SLC9A3: variants seen among roughly 807,000 people sequenced by gnomAD.
SLC9A3 encodes the protein solute carrier family 9 member A3, also known as sodium/hydrogen exchanger 3.
SLC9A3 carries 37 observed loss-of-function variants against 86.8 expected under a neutral mutation model. That is an observed-to-expected ratio of 0.43 (90% CI 0.33 to 0.56). SLC9A3 has a LOEUF of 0.56. Among genes scored for constraint, SLC9A3 ranks in the 20% least tolerant of loss-of-function variants. SLC9A3 has a pLI of 0.06. For missense variants in SLC9A3, 1,011 were observed against 1,171.9 expected (o/e 0.86, Z 2.00); for synonymous variants, 581 against 528.3 (o/e 1.10, Z -1.37).
intron 1 of SLC9A3, among the ~76,000 whole-genome samples, chr5:505,936 A>C (rs6864158): frequency 6.6e-6 from 1 of 151,232 alleles, no homozygotes; most frequent in Non-Finnish European, 1.5e-5. Flanking sequence ...GGGTGGGGTT[A>C]GGGTTGGGGT....
chr5:495,246 T>C (rs1336184329), intron 1 of SLC9A3, among the ~76,000 whole-genome samples: 2 of 152,030 alleles, frequency 1.3e-5, no homozygotes, highest in Non-Finnish European at 2.9e-5. Flanking sequence ...AAAATTAGGT[T>C]CACAGCGATC....
intron 1 of SLC9A3, among the ~76,000 whole-genome samples, chr5:517,791 C>T (rs1011795920): frequency 1.3e-4 from 18 of 141,482 alleles, no homozygotes; most frequent in African/African-American, 2.8e-4. Context: ...GTCCATTCAC[C>T]GAAACCATCC....
chr5:492,104 C>T, intron 1 of SLC9A3, 33 bp from the exon 2 acceptor site: 2 of 1,135,200 alleles, frequency 1.8e-6, no homozygotes, highest in South Asian at 1.9e-5. Context: ...CAGGGCCGGG[C>T]TGTGAGGGAG....
intron 5 of SLC9A3, 43 bp from the exon 6 acceptor site, chr5:483,525 GC>G: frequency 1.4e-6 from 2 of 1,400,164 alleles, no homozygotes; most frequent in South Asian, 1.2e-5. Flanking sequence ...ACCTGGCCTG[GC>G]GCCCGAGGCC....
intron 6 of SLC9A3, 81 bp downstream of exon 6, chr5:483,181 G>A: frequency 2.7e-6 from 3 of 1,095,694 alleles, no homozygotes; most frequent in Non-Finnish European, 1.3e-6. Flanking sequence ...ATCTCCCTGG[G>A]CCCAGTAGAA....
chr5:475,715 C>T, intron 14 of SLC9A3, 44 bp from the exon 15 acceptor site: 2 of 1,089,878 alleles, frequency 1.8e-6, no homozygotes, highest in Non-Finnish European at 2.8e-6. Flanking sequence ...CACTGGGGGG[C>T]TGTCCTCACA....
At chr5:478,834 G>C (rs572337823) in intron 10 of SLC9A3, 1 of 154,842 alleles carries the variant, frequency 6.5e-6, no homozygotes, top group South Asian at 2.0e-4. Flanking sequence ...TGTGGAGCCT[G>C]GTCCAGGAGC....
intron 9 of SLC9A3, among the ~76,000 whole-genome samples, chr5:481,128 G>T (rs1739138926): frequency 6.6e-6 from 1 of 152,204 alleles, no homozygotes; most frequent in Non-Finnish European, 1.5e-5. Flanking sequence ...GACCTCAAGT[G>T]AGCTGACCAC....
intron 4 of SLC9A3, 140 bp from the exon 5 acceptor site, chr5:484,837 C>G (rs1226588858): frequency 3.7e-6 from 3 of 806,142 alleles, no homozygotes; most frequent in African/African-American, 1.7e-5. Context: ...CGGGCCTGGT[C>G]TCAGCACCAG....
chr5:473,944 G>C (rs1365962677), intron 16 of SLC9A3, among the ~76,000 whole-genome samples: 1 of 152,252 alleles, frequency 6.6e-6, no homozygotes, highest in Non-Finnish European at 1.5e-5. Context: ...TCGCGGACTA[G>C]CTTTCGGAGC....
chr5:477,126 C>T (rs963045158), intron 11 of SLC9A3: 6 of 537,784 alleles, frequency 1.1e-5, no homozygotes, highest in South Asian at 5.5e-5. Context: ...CTGCCCCTCC[C>T]TTTCACCTTC....
At chr5:502,008 A>AG (rs1216909999) in intron 1 of SLC9A3, among the ~76,000 whole-genome samples, 1 of 152,212 alleles carries the variant, frequency 6.6e-6, no homozygotes, top group Non-Finnish European at 1.5e-5. Context: ...CAAGAACAAC[A>AG]GCCCGTTCAG....
intron 1 of SLC9A3, among the ~76,000 whole-genome samples, chr5:513,013 C>T (rs1733602642): frequency 6.6e-6 from 1 of 152,156 alleles, no homozygotes; most frequent in Non-Finnish European, 1.5e-5. Context: ...GAGGTTTCCA[C>T]TGCAGCAAAA....
At chr5:475,298 C>T in intron 15 of SLC9A3, 166 bp from the exon 16 acceptor site, 1 of 680,412 alleles carries the variant, frequency 1.5e-6, no homozygotes, top group Non-Finnish European at 2.5e-6. Context: ...ATCCATGACC[C>T]CACACGCCAC....
chr5:492,461 G>A (rs1414242992), intron 1 of SLC9A3, among the ~76,000 whole-genome samples: 1 of 151,208 alleles, frequency 6.6e-6, no homozygotes, highest in Non-Finnish European at 1.5e-5. Context: ...CTCGGGGGAG[G>A]GGAGGGAGGT....
At chr5:493,002 G>A (rs541548044) in intron 1 of SLC9A3, among the ~76,000 whole-genome samples, 50 of 152,238 alleles carry the variant, frequency 3.3e-4, no homozygotes, top group Middle Eastern at 3.4e-3. Context: ...GCTTCACCCC[G>A]TCCCCCAGCA....
In SLC9A3 at chr5:482,104, G is replaced by T. The variant is rs746442719; in HGVS notation, c.1410C>A (p.His470Gln). The T allele has an allele frequency of 3.9e-5, 62 of 1,608,322 alleles. No homozygotes were observed. The highest frequency in any genetic ancestry group is 5.3e-5 in the Non-Finnish European group (62 of 1,178,758). Residue 470 changes from histidine (H) to glutamine (Q), a missense_variant, in exon 8 of 17, where the codon CAC becomes CAA. Coordinates refer to ENST00000264938, the MANE Select transcript of SLC9A3 (RefSeq NM_004174.4). ...GCTTCTCGTTGAGCCGAGGTTCCCG[G>T]TGCTCGCTCCTCTTCACCTTCAGCC... ...VQWLKVKRSE[H>Q]REPRLNEKLH... is the part of the protein sequence containing the mutation.
chr5:522,391 C>A (rs1022040408), intron 1 of SLC9A3, among the ~76,000 whole-genome samples: 1 of 152,268 alleles, frequency 6.6e-6, no homozygotes, highest in African/African-American at 2.4e-5. Context: ...TGGCGGCTGT[C>A]ATTGGACCTT....
intron 1 of SLC9A3, among the ~76,000 whole-genome samples, chr5:509,201 A>G (rs1740764384): frequency 6.6e-6 from 1 of 151,932 alleles, no homozygotes; most frequent in Non-Finnish European, 1.5e-5. Flanking sequence ...TGATCCCACC[A>G]CTTTGGGAGG....
Sources: allele counts gnomAD v4.1 joint callset (sites outside exome capture counted in the v4.1 genomes callset), GRCh38; gene constraint gnomAD v4.1.1; transcripts MANE v1.5; gene names NCBI Gene and HGNC (gene_info 2026-07-23, HGNC 2026-07-21).